Variants in HECTD4 observed in about 807,000 individuals in gnomAD.
HECTD4 encodes HECT domain E3 ubiquitin protein ligase 4.
HECTD4 carries 114 observed loss-of-function variants against 471.5 expected under a neutral mutation model. The ratio of observed to expected loss-of-function variants is 0.24; its 90% CI spans 0.21 to 0.28. The LOEUF (loss-of-function observed/expected upper bound fraction) is 0.28. HECTD4 is among the 10% of genes least tolerant of loss of function. The probability of loss-of-function intolerance (pLI) is 1.00; values close to 1 mark genes in which losing one functional copy is unlikely to be tolerated. For synonymous variants in HECTD4, 2,012 were observed against 2,256.0 expected, an observed-to-expected ratio of 0.89 and a Z score of 3.07; for missense variants, 3,866 against 5,651.5, an observed-to-expected ratio of 0.68 and a Z score of 10.13.
chr12:112,264,043 A>G (rs757768138), intron 17 of HECTD4, 41 bp downstream of exon 17: 1 of 1,503,774 alleles, frequency 6.6e-7, no homozygotes, highest in Non-Finnish European at 8.9e-7. Context: ...TGCTTTTCAC[A>G]CTGGGTAGAA....
chr12:112,181,780 A>C (rs748053965), intron 62 of HECTD4, among the ~76,000 whole-genome samples: 34 of 152,174 alleles, frequency 2.2e-4, no homozygotes, highest in Non-Finnish European at 4.3e-4. Context: ...ATTTAAAACA[A>C]CAAAACCTCT....
At chr12:112,300,819 T>C (rs992016198) in intron 7 of HECTD4, among the ~76,000 whole-genome samples, 2 of 152,076 alleles carry the variant, frequency 1.3e-5, no homozygotes, top group Non-Finnish European at 1.5e-5. Context: ...AGGCTGGTCT[T>C]GAACTTCTTG....
chr12:112,252,431 C>T lies in HECTD4; in HGVS notation c.3545G>A (p.Arg1182His), dbSNP rs766589878. 1.2e-5 allele frequency: 19 copies of T among 1,597,976 alleles called. No homozygotes were observed. The highest frequency in any genetic ancestry group is 3.6e-5 in the Admixed American group (2 of 56,050). The stretch of plus-strand genomic sequence containing the variant: ...GTGGTTAGATTCAAGTACCTGAGCG[C>T]GAACTGTGCAAGCAAAGCCCCACAT... ...KAMWGFACTV[R>H]AQESSEDVSG... is the part of the protein sequence containing the mutation. The change falls in exon 23 of 76, where the codon CGC becomes CAC. Residue 1182 changes from arginine (R) to histidine (H), a missense_variant. Coordinates refer to ENST00000682272, the MANE Select transcript of HECTD4 (RefSeq NM_001388303.1).
At chr12:112,164,335 C>A (rs901102851) in intron 72 of HECTD4, 60 bp from the exon 73 acceptor site, 20 of 1,544,246 alleles carry the variant, frequency 1.3e-5, no homozygotes, top group African/African-American at 2.7e-5. Context: ...AACCCTGATC[C>A]CCAGGTGGCT....
intron 7 of HECTD4, among the ~76,000 whole-genome samples, chr12:112,289,334 A>G (rs1337420023): frequency 1.3e-5 from 2 of 152,184 alleles, no homozygotes; most frequent in African/African-American, 2.4e-5. Context: ...ATATATTTCT[A>G]TAGTCTGCCT....
At chr12:112,296,721 G>T (rs1420634252) in intron 7 of HECTD4, among the ~76,000 whole-genome samples, 1 of 151,088 alleles carries the variant, frequency 6.6e-6, no homozygotes, top group African/African-American at 2.4e-5. Context: ...GGATCTAGGT[G>T]CAGATGGTGT....
At chr12:112,172,988 GGTT>G in intron 66 of HECTD4, 127 bp from the exon 67 acceptor site, 1 of 809,852 alleles carries the variant, frequency 1.2e-6, no homozygotes, top group Non-Finnish European at 2.0e-6. Flanking sequence ...TCGCCTTCCA[GGTT>G]GTTTCTTGGT....
At chr12:112,346,269 T>G (rs1366171082) in intron 1 of HECTD4, among the ~76,000 whole-genome samples, 1 of 152,224 alleles carries the variant, frequency 6.6e-6, no homozygotes, top group Non-Finnish European at 1.5e-5. Context: ...AAGAATCACC[T>G]TGAGCACTGG....
rs1214958921 is a variant in HECTD4 at position 112,295,147 on chromosome 12, A to AG, written c.1335+10916_1335+10917insC. On this transcript the variant is annotated intron_variant, in intron 7 of 75. Coordinates refer to ENST00000682272, the MANE Select transcript of HECTD4 (RefSeq NM_001388303.1). Reference sequence around the variant, plus strand: ...TAGCGAAATCCCGTCTGAAAAAAAAAAAGAGAGAGAAACAAAAATCCCTTC... The same window carrying AG: ...TAGCGAAATCCCGTCTGAAAAAAAAAGAAGAGAGAGAAACAAAAATCCCTTC... 1.1e-4 allele frequency among the ~76,000 whole-genome samples: 12 copies of AG among 111,284 alleles called. No homozygotes were observed. The East Asian group carries it at 9.1e-3, about 84-fold the overall frequency. The allele number at this position is 111,284 out of a possible 152,430, so 73.0% of individuals were successfully genotyped here.
rs551890727 is a variant in HECTD4 at position 112,341,068 on chromosome 12, G to C, written c.178-21326C>G. On this transcript the variant is annotated intron_variant, in intron 1 of 75. Coordinates refer to ENST00000682272, the MANE Select transcript of HECTD4 (RefSeq NM_001388303.1). ...TTAACTCTAAACTCTTGTCAGTATA[G>C]CTTATAGCTTTGTCTGTTTTGCTCA... Among the ~76,000 whole-genome samples, 9 of 152,224 alleles carry C rather than the reference G, an allele frequency of 5.9e-5. No individual in the cohort carries two copies. The South Asian group carries it at 1.9e-3, about 32-fold the overall frequency.
rs561923213 is a variant in HECTD4, at chr12:112,165,569, T to C, written c.12535-1294A>G. Among the ~76,000 whole-genome samples the C allele has an allele frequency of 4.1e-4, 63 of 152,116 alleles. 2 individuals are homozygous for C. In the Middle Eastern group the frequency reaches 0.014, roughly 33 times the overall value. ...GGTTTCACTGTGTTAGCCAGGATGG[T>C]CTCAATCTCCTGACCTCGTGATCTG... On this transcript the variant is annotated intron_variant, in intron 72 of 75. Coordinates refer to ENST00000682272, the MANE Select transcript of HECTD4 (RefSeq NM_001388303.1).
chr12:112,359,689 G>T (rs2036414579), intron 1 of HECTD4, among the ~76,000 whole-genome samples: 1 of 151,868 alleles, frequency 6.6e-6, no homozygotes. Context: ...AAAGTGCTGG[G>T]ATTACAGGCG....
At chr12:112,165,641 G>A (rs759761069) in intron 72 of HECTD4, among the ~76,000 whole-genome samples, 11 of 152,138 alleles carry the variant, frequency 7.2e-5, no homozygotes, top group East Asian at 1.9e-4. Flanking sequence ...GTGAGCCACC[G>A]CGCCCGGCCT....
chr12:112,356,419 T>C (rs960329693), intron 1 of HECTD4, among the ~76,000 whole-genome samples: 4 of 151,962 alleles, frequency 2.6e-5, no homozygotes, highest in Non-Finnish European at 5.9e-5. Flanking sequence ...TTCTGGTGTG[T>C]GTTTTTTGTT....
chr12:112,311,472 T>A (rs1407728743), intron 4 of HECTD4, among the ~76,000 whole-genome samples: 13 of 148,004 alleles, frequency 8.8e-5, no homozygotes, highest in Non-Finnish European at 1.5e-4. Context: ...ATAAATAAAG[T>A]AATTATCCAG....
At chr12:112,377,646 AGATT>A (rs1168399725) in intron 1 of HECTD4, among the ~76,000 whole-genome samples, 1 of 152,192 alleles carries the variant, frequency 6.6e-6, no homozygotes, top group Non-Finnish European at 1.5e-5. Context: ...TAAGGAAAGC[AGATT>A]ATTTGAGGTT....
chr12:112,204,401 C>T, intron 53 of HECTD4, 85 bp downstream of exon 53: 1 of 1,301,316 alleles, frequency 7.7e-7, no homozygotes, highest in South Asian at 1.3e-5. Context: ...CTAGGAGAAC[C>T]ACCAGCTGCT....
rs780519443 is a variant in HECTD4, at chr12:112,204,598, C to A, written c.8157G>T (p.Thr2719=). Residue 2719 remains threonine (T), a synonymous_variant, in exon 53 of 76, where the codon ACG becomes ACT. Coordinates refer to ENST00000682272, the MANE Select transcript of HECTD4 (RefSeq NM_001388303.1). ...QLGMVDIARQ[T]VEFLYEENGG... Reference sequence around the variant, plus strand: ...CATTCTCTTCGTAGAGAAATTCAACCGTCTGTCGGGCAATATCCACCATAC... The same window carrying A: ...CATTCTCTTCGTAGAGAAATTCAACAGTCTGTCGGGCAATATCCACCATAC... 2 of 1,613,320 alleles carry A rather than the reference C, an allele frequency of 1.2e-6. No individual in the cohort carries two copies. Among genetic ancestry groups the A allele is most frequent in the Non-Finnish European group, 1.7e-6 (2 of 1,179,510 alleles).
At chr12:112,275,199 T>G (rs1003326754) in intron 9 of HECTD4, among the ~76,000 whole-genome samples, 3 of 152,254 alleles carry the variant, frequency 2.0e-5, no homozygotes, top group African/African-American at 4.8e-5. Context: ...GTTTTTAAAA[T>G]GGCAACTTTT....
Sources: allele counts gnomAD v4.1 joint callset (sites outside exome capture counted in the v4.1 genomes callset), GRCh38; gene constraint gnomAD v4.1.1; transcripts MANE v1.5; gene names NCBI Gene and HGNC (gene_info 2026-07-23, HGNC 2026-07-21).